XDH: variants seen among roughly 807,000 people sequenced by gnomAD.
XDH encodes xanthine dehydrogenase/oxidase.
XDH carries 138 observed loss-of-function variants against 156.1 expected under a neutral mutation model. That is an observed-to-expected ratio of 0.88 (90% CI 0.77 to 1.02). The LOEUF is 1.02. Among genes scored for constraint, XDH ranks in the 50% least tolerant of loss-of-function variants. The probability of loss-of-function intolerance (pLI) is 0.00; values close to 1 mark genes in which losing one functional copy is unlikely to be tolerated. For synonymous variants in XDH, 669 were observed against 625.7 expected, an observed-to-expected ratio of 1.07 and a Z score of -1.03; for missense variants, 1,849 against 1,684.9, an observed-to-expected ratio of 1.10 and a Z score of -1.71.
rs765441970 is a variant in XDH at position 31,339,622 on chromosome 2, T to C, written c.3641A>G (p.Tyr1214Cys). The C allele has an allele frequency of 3.1e-6, 5 of 1,613,926 alleles. No homozygotes were observed. The highest frequency in any genetic ancestry group is 3.4e-6 in the Non-Finnish European group (4 of 1,179,970). Residue 1214 changes from tyrosine to cysteine, a missense_variant, in exon 34 of 36, where the codon TAT becomes TGT. Physicochemically the swap from Tyr to Cys is radical, Grantham distance 194. Transcript: ENST00000379416. ...LGLFTLEELH[Y>C]SPEGSLHTRG... ...GGTGTGCAGGCTCCCCTCGGGGGAA[T>C]AGTGTAGCTCCTCTAGGGTGAAGAG...
At position 31,403,038 on chromosome 2, in the gene XDH, C is replaced by G; in HGVS notation, c.197+10G>C. The G allele has an allele frequency of 6.2e-7, 1 of 1,614,098 alleles. No individual in the cohort carries two copies. The highest frequency in any genetic ancestry group is 8.5e-7 in the Non-Finnish European group (1 of 1,180,002). On this transcript the variant is annotated intron_variant, in intron 3 of 35. Coordinates refer to ENST00000379416, the MANE Select transcript of XDH (RefSeq NM_000379.4). The stretch of plus-strand genomic sequence containing the variant: ...CCCATGTGGGTGGTCAGCCAGCAGG[C>G]AAAGGATACACGATCTTGTTCTGCA...
Position 31,387,841 on chromosome 2 carries a change from G to A in XDH, c.621C>T (p.Thr207=), listed in dbSNP as rs1205344612. ...KPEEFTPLDP[T]QEPIFPPELL... ...ACTCTGGGGGAAAAATGGGCTCCTG[G>A]GTTGGATCCAGGGGCGTGAACTCCT... The change falls in exon 8 of 36, where the codon ACC becomes ACT. Residue 207 remains threonine (T), a synonymous_variant. Transcript: ENST00000379416. 3.8e-6 allele frequency: 6 copies of A among 1,588,152 alleles called. No individual in the cohort carries two copies. Among genetic ancestry groups the A allele is most frequent in the Non-Finnish European group, 5.1e-6 (6 of 1,167,654 alleles).
intron 15 of XDH, among the ~76,000 whole-genome samples, chr2:31,374,262 G>C (rs1027288985): frequency 3.3e-5 from 5 of 152,152 alleles, no homozygotes; most frequent in African/African-American, 1.2e-4. Flanking sequence ...TCTCTGTTGG[G>C]AGTATCCTTC....
At chr2:31,342,748 T>C (rs1334801335) in intron 31 of XDH, among the ~76,000 whole-genome samples, 5 of 152,066 alleles carry the variant, frequency 3.3e-5, no homozygotes, top group Non-Finnish European at 5.9e-5. Context: ...AGAAAGTTAA[T>C]AAGATCAGCA....
At chr2:31,404,581 C>T (rs1057345372) in intron 2 of XDH, among the ~76,000 whole-genome samples, 55 of 152,152 alleles carry the variant, frequency 3.6e-4, no homozygotes, top group African/African-American at 1.3e-3. Flanking sequence ...TTCAAAACTA[C>T]AATGGAAATG....
intron 24 of XDH, among the ~76,000 whole-genome samples, chr2:31,355,155 T>C (rs1685591743): frequency 6.6e-6 from 1 of 152,086 alleles, no homozygotes; most frequent in South Asian, 2.1e-4. Context: ...AGAAACGAAC[T>C]GTTAACTCAA....
intron 29 of XDH, 127 bp from the exon 30 acceptor site, chr2:31,346,970 C>T (rs1572514630): frequency 8.3e-7 from 1 of 1,208,160 alleles, no homozygotes. Context: ...CTCAAACAGC[C>T]TGGCCACCCA....
intron 1 of XDH, among the ~76,000 whole-genome samples, chr2:31,411,283 G>GAAA (rs376149812): frequency 2.9e-5 from 3 of 102,060 alleles, no homozygotes; most frequent in Non-Finnish European, 4.1e-5. Flanking sequence ...CCTGTCTCAG[G>GAAA]AAAAAAAAAA....
chr2:31,354,321 C>T (rs1291498903), intron 24 of XDH, among the ~76,000 whole-genome samples: 1 of 152,168 alleles, frequency 6.6e-6, no homozygotes, highest in African/African-American at 2.4e-5. Flanking sequence ...GTCATCACCA[C>T]CATCATCTGT....
chr2:31,365,920 G>GAA, intron 22 of XDH, 56 bp downstream of exon 22: 1 of 1,613,332 alleles, frequency 6.2e-7, no homozygotes, highest in South Asian at 1.1e-5. Context: ...TCCTGGCACA[G>GAA]ACAGCCTTAT....
In XDH at chr2:31,392,486, G is replaced by A. The variant is rs979253483; in HGVS notation, c.496-4191C>T. On this transcript the variant is annotated intron_variant, in intron 6 of 35. Coordinates refer to ENST00000379416, the MANE Select transcript of XDH (RefSeq NM_000379.4). ...GTCACCCAGGCTGGAGTGCAATGGCGCAATCTTGGCTCACTGCAACCTCCA... is the reference window on the plus strand; with the variant it reads ...GTCACCCAGGCTGGAGTGCAATGGCACAATCTTGGCTCACTGCAACCTCCA... Among the ~76,000 whole-genome samples the A allele has an allele frequency of 1.6e-4, 24 of 151,890 alleles. 1 individual carries two copies. Among genetic ancestry groups the A allele is most frequent in the African/African-American group, 5.1e-4 (21 of 41,416 alleles).
rs374185976 is a variant in XDH at position 31,337,725 on chromosome 2, A to T, written c.3867T>A (p.Asn1289Lys). Residue 1289 changes from asparagine (N) to lysine (K), a missense_variant, in exon 35 of 36, where the codon AAT becomes AAA. Asn to Lys is a moderately conservative substitution (Grantham distance 94). Coordinates refer to ENST00000379416, the MANE Select transcript of XDH (RefSeq NM_000379.4). ...IRAARAQHTG[N>K]NVKELFRLDS... ...CTAGCCGGAAGAGTTCCTTCACGTT[A>T]TTACCTGTGTGCTGAGCTCGAGCTG... 8.1e-6 allele frequency: 13 copies of T among 1,614,042 alleles called. No homozygotes were observed. Among genetic ancestry groups the T allele is most frequent in the Non-Finnish European group, 1.1e-5 (13 of 1,180,042 alleles).
chr2:31,397,570 T>C lies in XDH; in HGVS notation c.495+98A>G, dbSNP rs143669887. The stretch of plus-strand genomic sequence containing the variant: ...CTAACTGGTCATCTTATCATCATTG[T>C]TTGTAGACCAGAGGCCCTTGGTCTC... On this transcript the variant is annotated intron_variant, in intron 6 of 35. Transcript: ENST00000379416. 8.4e-5 allele frequency: 120 copies of C among 1,428,170 alleles called. No individual in the cohort carries two copies. The African/African-American group carries it at 1.4e-3, about 17-fold the overall frequency. 88.5% of individuals were successfully genotyped at this position (1,428,170 alleles called of 1,614,324 possible).
intron 30 of XDH, among the ~76,000 whole-genome samples, chr2:31,345,515 A>G (rs1052397312): frequency 6.6e-6 from 1 of 152,206 alleles, no homozygotes; most frequent in African/African-American, 2.4e-5. Context: ...CAAACGATTT[A>G]CTGTGTCACA....
At chr2:31,413,776 C>T (rs1226379017) in intron 1 of XDH, among the ~76,000 whole-genome samples, 1 of 152,162 alleles carries the variant, frequency 6.6e-6, no homozygotes, top group Non-Finnish European at 1.5e-5. Flanking sequence ...CTTTTACTAT[C>T]CTTTTCATTC....
At chr2:31,366,739 G>A in intron 21 of XDH, 131 bp downstream of exon 21, 1 of 1,419,040 alleles carries the variant, frequency 7.0e-7, no homozygotes, top group Non-Finnish European at 9.9e-7. Context: ...CTGGCTCCAG[G>A]ACTATGACAC....
chr2:31,374,067 C>T (rs1686155791), intron 15 of XDH, 111 bp from the exon 16 acceptor site: 1 of 1,096,562 alleles, frequency 9.1e-7, no homozygotes, highest in Non-Finnish European at 1.3e-6. Context: ...TGTCTCTTCA[C>T]TTCATACGCC....
At chr2:31,360,648 G>A (rs1036554307) in intron 24 of XDH, among the ~76,000 whole-genome samples, 6 of 152,136 alleles carry the variant, frequency 3.9e-5, no homozygotes, top group African/African-American at 1.2e-4. Context: ...GCTTAGTCCC[G>A]CCTTGGTTGT....
Position 31,388,230 on chromosome 2 carries a change from G to A in XDH, c.561C>T (p.His187=), listed in dbSNP as rs191822672. The change falls in exon 7 of 36, where the codon CAC becomes CAT. Residue 187 remains histidine (H), a synonymous_variant. Transcript: ENST00000379416. ...PNCCMNQKKD[H]SVSLSPSLFK... ...AGGGGGAGAAGAACTCACTTACTGA[G>A]TGGTCTTTCTTCTGGTTCATGCAGC... 5 of 1,614,074 alleles carry A rather than the reference G, an allele frequency of 3.1e-6. No homozygotes were observed. The African/African-American group carries it at 6.7e-5, about 22-fold the overall frequency.
Sources: allele counts gnomAD v4.1 joint callset (sites outside exome capture counted in the v4.1 genomes callset), GRCh38; gene constraint gnomAD v4.1.1; transcripts MANE v1.5; gene names NCBI Gene and HGNC (gene_info 2026-07-23, HGNC 2026-07-21).